PGAM5: variants seen among roughly 807,000 people sequenced by gnomAD.
The protein encoded by PGAM5 is serine/threonine-protein phosphatase PGAM5, mitochondrial.
A neutral mutation model predicts 30.6 loss-of-function variants in PGAM5; 25 were observed. The observed-to-expected ratio is 0.82, with a 90% CI of 0.60 to 1.14. The LOEUF is 1.14. Among genes scored for constraint, PGAM5 ranks in the 50% most tolerant of loss-of-function variants. The probability of loss-of-function intolerance (pLI) is 0.00; values close to 1 mark genes in which losing one functional copy is unlikely to be tolerated. For synonymous variants in PGAM5, 201 were observed against 179.1 expected (o/e 1.12, Z -0.98); for missense variants, 384 against 408.5 (o/e 0.94, Z 0.52).
At position 132,718,020 on chromosome 12, in the gene PGAM5, G is replaced by T. The variant is rs780048914; in HGVS notation, c.619G>T (p.Ala207Ser). ...CGAAGACGGAGCCCGGATCGAGGCC[G>T]CCTTCCGGAACTACATCCACCGCGC... The part of the protein sequence containing the change: ...YYEDGARIEA[A>S]FRNYIHRADA... The change falls in exon 5 of 6, where the codon GCC becomes TCC. Residue 207 changes from alanine to serine, a missense_variant. Transcript: ENST00000498926. 6.2e-7 allele frequency: 1 copy of T among 1,612,750 alleles called. No individual in the cohort carries two copies. Among genetic ancestry groups the T allele is most frequent in the Admixed American group, 1.7e-5 (1 of 60,022 alleles).
chr12:132,719,884 G>A (rs1324101036), intron 5 of PGAM5, among the ~76,000 whole-genome samples: 2 of 152,142 alleles, frequency 1.3e-5, no homozygotes, highest in Non-Finnish European at 2.9e-5. Context: ...GCATGAAGAT[G>A]CCACGGCGGG....
intron 1 of PGAM5, 89 bp from the exon 2 acceptor site, chr12:132,714,769 A>C: frequency 6.9e-7 from 1 of 1,447,638 alleles, no homozygotes; most frequent in East Asian, 2.3e-5. Context: ...CTTCCCAAAT[A>C]GTCTGACAAT....
intron 2 of PGAM5, 34 bp from the exon 3 acceptor site, chr12:132,717,405 C>CA: frequency 6.4e-7 from 1 of 1,556,900 alleles, no homozygotes; most frequent in Non-Finnish European, 8.6e-7. Flanking sequence ...GGAGGGGGTG[C>CA]AGGTGCGGCA....
chr12:132,717,621 C>T (rs1234088521), intron 3 of PGAM5, 57 bp downstream of exon 3: 7 of 1,597,280 alleles, frequency 4.4e-6, no homozygotes, highest in Non-Finnish European at 3.4e-6. Context: ...CGTGGCAGGG[C>T]CCCGGCCTGA....
intron 1 of PGAM5, among the ~76,000 whole-genome samples, chr12:132,714,145 G>A (rs2043549864): frequency 6.6e-6 from 1 of 152,232 alleles, no homozygotes; most frequent in South Asian, 2.1e-4. Context: ...AGCCTCCCAA[G>A]TAGCTGGGAT....
chr12:132,717,110 C>T (rs1371849975), intron 2 of PGAM5, among the ~76,000 whole-genome samples: 7 of 152,332 alleles, frequency 4.6e-5, no homozygotes, highest in Non-Finnish European at 1.0e-4. Context: ...CAGAAACCAC[C>T]CCTGGGCCCC....
intron 4 of PGAM5, 54 bp downstream of exon 4, chr12:132,717,852 C>T (rs779882782): frequency 4.0e-5 from 63 of 1,584,834 alleles, no homozygotes; most frequent in Admixed American, 1.8e-4. Context: ...CTGGGCAAAG[C>T]GGCCCTGCTG....
In PGAM5 at chr12:132,714,978, G is replaced by A. The variant is rs1262997751; in HGVS notation, c.312G>A (p.Arg104=). ...CCACGCGGCACATCTTCCTCATCAG[G>A]CATTCCCAGTACCACGTGGATGGCT... ...AKATRHIFLI[R]HSQYHVDGSL... The change falls in exon 2 of 6, where the codon AGG becomes AGA. Residue 104 remains arginine, a synonymous_variant. Coordinates refer to ENST00000498926, the MANE Select transcript of PGAM5 (RefSeq NM_001170543.2). 1 of 1,613,420 alleles carries A rather than the reference G, an allele frequency of 6.2e-7. No individual in the cohort carries two copies. The highest frequency in any genetic ancestry group is 1.1e-5 in the South Asian group (1 of 91,084).
Position 132,717,813 on chromosome 12 carries a change from G to C in PGAM5, c.585+15G>C. The C allele has an allele frequency of 6.3e-7, 1 of 1,577,580 alleles. No homozygotes were observed. The highest frequency in any genetic ancestry group is 1.1e-5 in the South Asian group (1 of 87,494). On this transcript the variant is annotated intron_variant, in intron 4 of 5. Coordinates refer to ENST00000498926, the MANE Select transcript of PGAM5 (RefSeq NM_001170543.2). ...CGGAAGCTGTGGTAAAAACCTCCCC[G>C]GGGGGCAGCTGTGTCACCCTCGCCT...
chr12:132,718,986 A>G lies in PGAM5; in HGVS notation c.719+866A>G, dbSNP rs960362770. On this transcript the variant is annotated intron_variant, in intron 5 of 5. Coordinates refer to ENST00000498926, the MANE Select transcript of PGAM5 (RefSeq NM_001170543.2). ...GGTGCCCCACTCTCAGCACCACAGA[A>G]TGATCCGGGTTCAGGTTGCGTTTTC... The G allele has an allele frequency of 6.2e-6, 9 of 1,456,140 alleles. 1 individual carries two copies. In the South Asian group the frequency reaches 9.9e-5, roughly 16 times the overall value. 90.2% of individuals were successfully genotyped at this position (1,456,140 alleles called of 1,614,324 possible).
chr12:132,713,619 G>A (rs555206877), intron 1 of PGAM5, among the ~76,000 whole-genome samples: 6 of 152,288 alleles, frequency 3.9e-5, no homozygotes, highest in African/African-American at 9.6e-5. Context: ...CTGTCTCAGC[G>A]AGTAAATACC....
chr12:132,715,336 C>T (rs1292092260), intron 2 of PGAM5, among the ~76,000 whole-genome samples: 2 of 151,424 alleles, frequency 1.3e-5, no homozygotes, highest in Admixed American at 6.6e-5. Flanking sequence ...TTTGGGAGGC[C>T]GAGGCAGGTG....
At position 132,722,489 on chromosome 12, in the gene PGAM5, C is replaced by T. The variant is rs1282173159; in HGVS notation, c.*1661C>T. On this transcript the variant is annotated 3_prime_UTR_variant, in exon 6 of 6. Transcript: ENST00000498926. ...GGTCTCGAACTCCTGACCTCGTGAT[C>T]TACCCACCTCGGCCTCCCCAAGTGC... 1 of 151,536 alleles carries T rather than the reference C, an allele frequency of 6.6e-6. No homozygotes were observed. The highest frequency in any genetic ancestry group is 1.5e-5 in the Non-Finnish European group (1 of 67,872). 9.4% of individuals were successfully genotyped at this position (151,536 alleles called of 1,614,324 possible). A position where few individuals can be genotyped will look rare whatever the true frequency, so the allele number is the denominator to read the frequency against.
chr12:132,718,164 C>CT, intron 5 of PGAM5, 44 bp downstream of exon 5: 1 of 1,608,614 alleles, frequency 6.2e-7, no homozygotes, highest in Non-Finnish European at 8.5e-7. Context: ...TAATTTCAGA[C>CT]TTAGAGAAAA....
At chr12:132,713,730 C>T (rs1167658087) in intron 1 of PGAM5, among the ~76,000 whole-genome samples, 1 of 151,874 alleles carries the variant, frequency 6.6e-6, no homozygotes, top group Non-Finnish European at 1.5e-5. Context: ...GAGTGCAGTG[C>T]AGTGCAGTGG....
Position 132,720,779 on chromosome 12 carries a change from C to T in PGAM5, c.821C>T (p.Thr274Ile), listed in dbSNP as rs1320158327. 2 of 1,536,476 alleles carry T rather than the reference C, an allele frequency of 1.3e-6. No individual in the cohort carries two copies. The highest frequency in any genetic ancestry group is 1.7e-6 in the Non-Finnish European group (2 of 1,146,876). Residue 274 changes from threonine (T) to isoleucine (I), a missense_variant, in exon 6 of 6, where the codon ACC becomes ATC. Transcript: ENST00000498926. The part of the protein sequence containing the change: ...IRPNGRVALR[T>I]LGDTGFMPPD... Reference sequence around the variant, plus strand: ...CCCAACGGCCGAGTTGCGCTCAGGACCCTCGGGGACACGGGGTTCATGCCT... The same window carrying T: ...CCCAACGGCCGAGTTGCGCTCAGGATCCTCGGGGACACGGGGTTCATGCCT...
chr12:132,716,938 A>G (rs2043583280), intron 2 of PGAM5, among the ~76,000 whole-genome samples: 1 of 152,118 alleles, frequency 6.6e-6, no homozygotes, highest in African/African-American at 2.4e-5. Flanking sequence ...ACCTGGATGC[A>G]AAAGCTCACA....
intron 2 of PGAM5, 95 bp from the exon 3 acceptor site, chr12:132,717,344 G>A (rs181423787): frequency 2.2e-6 from 3 of 1,376,994 alleles, no homozygotes; most frequent in Middle Eastern, 2.5e-4. Context: ...GGGTGTTTGA[G>A]GGTGGAGGAG....
Position 132,721,942 on chromosome 12 carries a change from AAAC to A in PGAM5, c.*1117_*1119del, listed in dbSNP as rs1221130651. 6.6e-6 allele frequency: 1 copy of A among 151,842 alleles called. No individual in the cohort carries two copies. Among genetic ancestry groups the A allele is most frequent in the Non-Finnish European group, 1.5e-5 (1 of 68,042 alleles). The allele number at this position is 151,842 out of a possible 1,614,324, so 9.4% of individuals were successfully genotyped here. On this transcript the variant is annotated 3_prime_UTR_variant, in exon 6 of 6. Coordinates refer to ENST00000498926, the MANE Select transcript of PGAM5 (RefSeq NM_001170543.2). ...TTCTTCATCTGGGTTTTTGCTTTGA[AAAC>A]AAGTTTCTCCAAATTTACAGATTTC...
Sources: allele counts gnomAD v4.1 joint callset (sites outside exome capture counted in the v4.1 genomes callset), GRCh38; gene constraint gnomAD v4.1.1; transcripts MANE v1.5; gene names NCBI Gene and HGNC (gene_info 2026-07-23, HGNC 2026-07-21).